The following GABRB2 variants were observed in gnomAD, a reference collection of about 807,000 sequenced individuals.
The protein encoded by GABRB2 is gamma-aminobutyric acid receptor subunit beta-2.
Under a neutral mutation model 54.7 loss-of-function variants are expected in GABRB2, and 16 were observed. The observed-to-expected ratio is 0.29, with a 90% CI of 0.20 to 0.44. GABRB2 has a LOEUF of 0.44. Ranked by LOEUF, GABRB2 falls within the 20% of genes least tolerant of loss-of-function variation. GABRB2 has a pLI of 1.00. For synonymous variants in GABRB2, 244 were observed against 233.8 expected, an observed-to-expected ratio of 1.04 and a Z score of -0.40; for missense variants, 355 against 644.0, an observed-to-expected ratio of 0.55 and a Z score of 4.86.
chr5:161,361,319 A>AT (rs1315850235), intron 5 of GABRB2, among the ~76,000 whole-genome samples: 9 of 152,116 alleles, frequency 5.9e-5, no homozygotes, highest in African/African-American at 2.2e-4. Flanking sequence ...GGAAGGAATT[A>AT]TTTTAAATTG....
chr5:161,316,254 T>C (rs557117513), intron 9 of GABRB2, among the ~76,000 whole-genome samples: 6 of 152,338 alleles, frequency 3.9e-5, no homozygotes, highest in African/African-American at 1.4e-4. Flanking sequence ...CTGAGACTCC[T>C]GAACCTCAGT....
rs183399428 is a variant in GABRB2 at position 161,450,665 on chromosome 5, T to C, written c.458+8959A>G. ...GTGGTTTGCCATCGTCTCTAGGATG[T>C]TAGGCACAATTACTTCCCGCTCTGA... On this transcript the variant is annotated intron_variant, in intron 4 of 9. Transcript: ENST00000393959. 2.0e-5 allele frequency among the ~76,000 whole-genome samples: 3 copies of C among 152,256 alleles called. No homozygotes were observed. In the East Asian group the frequency reaches 5.8e-4, roughly 29 times the overall value.
chr5:161,366,538 A>G (rs1248457079), intron 5 of GABRB2, among the ~76,000 whole-genome samples: 1 of 152,206 alleles, frequency 6.6e-6, no homozygotes, highest in African/African-American at 2.4e-5. Context: ...TGGGTACCTG[A>G]GAGCAGAAAT....
chr5:161,459,347 T>A (rs1758053867), intron 4 of GABRB2: 1 of 439,354 alleles, frequency 2.3e-6, no homozygotes, highest in Non-Finnish European at 4.2e-6. Context: ...ATGTCTCAGC[T>A]ATTTTGATAT....
At chr5:161,425,128 T>C (rs1419627139) in intron 4 of GABRB2, among the ~76,000 whole-genome samples, 1 of 152,108 alleles carries the variant, frequency 6.6e-6, no homozygotes, top group East Asian at 1.9e-4. Context: ...AGATAAAACC[T>C]ATTCCAGGTG....
At chr5:161,517,283 T>C (rs1759978901) in intron 3 of GABRB2, among the ~76,000 whole-genome samples, 2 of 152,152 alleles carry the variant, frequency 1.3e-5, no homozygotes, top group Non-Finnish European at 2.9e-5. Flanking sequence ...AAACTATTGA[T>C]CTAATAGGAT....
At chr5:161,417,825 C>G (rs2113135733) in intron 4 of GABRB2, among the ~76,000 whole-genome samples, 1 of 152,248 alleles carries the variant, frequency 6.6e-6, no homozygotes, top group African/African-American at 2.4e-5. Flanking sequence ...CTTGATTTAC[C>G]TCCACAGAGG....
At chr5:161,470,928 A>T (rs1758419939) in intron 3 of GABRB2, among the ~76,000 whole-genome samples, 1 of 151,980 alleles carries the variant, frequency 6.6e-6, no homozygotes, top group African/African-American at 2.4e-5. Context: ...GTATTTCTTC[A>T]TCGATACACT....
At chr5:161,485,219 T>C (rs1344608808) in intron 3 of GABRB2, among the ~76,000 whole-genome samples, 1 of 151,984 alleles carries the variant, frequency 6.6e-6, no homozygotes, top group Non-Finnish European at 1.5e-5. Context: ...CCTTCCAGTA[T>C]ACTGTCACAA....
chr5:161,443,407 A>G (rs565312047), intron 4 of GABRB2, among the ~76,000 whole-genome samples: 1 of 152,336 alleles, frequency 6.6e-6, no homozygotes, highest in African/African-American at 2.4e-5. Flanking sequence ...ATACTAAAAA[A>G]TCAAAATCAC....
chr5:161,326,270 G>T (rs1328028322), intron 9 of GABRB2, 98 bp downstream of exon 9: 7 of 1,530,488 alleles, frequency 4.6e-6, no homozygotes, highest in Non-Finnish European at 6.2e-6. Flanking sequence ...ATGTTCATAG[G>T]TTATCTGCAA....
At chr5:161,472,270 G>T (rs1758463064) in intron 3 of GABRB2, among the ~76,000 whole-genome samples, 1 of 151,658 alleles carries the variant, frequency 6.6e-6, no homozygotes, top group Admixed American at 6.6e-5. Flanking sequence ...GCCTGGTTTG[G>T]TTGTGGGATT....
intron 5 of GABRB2, among the ~76,000 whole-genome samples, chr5:161,363,526 A>G (rs188422141): frequency 7.2e-5 from 11 of 152,086 alleles, no homozygotes; most frequent in African/African-American, 2.4e-4. Context: ...TTAAAGTATA[A>G]TAAAAAAATT....
chr5:161,345,235 G>T (rs1754286170), intron 5 of GABRB2, among the ~76,000 whole-genome samples: 1 of 151,702 alleles, frequency 6.6e-6, no homozygotes. Flanking sequence ...TCATATTTGT[G>T]CACTTTGTAT....
chr5:161,502,590 T>C (rs563994970), intron 3 of GABRB2, among the ~76,000 whole-genome samples: 4 of 152,282 alleles, frequency 2.6e-5, no homozygotes, highest in Non-Finnish European at 4.4e-5. Flanking sequence ...TGTTTAAGTA[T>C]TGAACATCAG....
In GABRB2 at chr5:161,534,133, C is replaced by A. The variant is rs538181446; in HGVS notation, c.237+11094G>T. Among the ~76,000 whole-genome samples, 732 of 152,266 alleles carry A rather than the reference C, an allele frequency of 4.8e-3. 6 individuals carry two copies. The highest frequency in any genetic ancestry group is 0.016 in the African/African-American group (673 of 41,578). On this transcript the variant is annotated intron_variant, in intron 3 of 9. Coordinates refer to ENST00000393959, the MANE Select transcript of GABRB2 (RefSeq NM_001371727.1). ...TCTAAAAGCACAGCACAATTTTTTA[C>A]AATAGTGGCTCTCAACCTGAAACAA...
chr5:161,496,550 GA>G (rs398050906), intron 3 of GABRB2, among the ~76,000 whole-genome samples: 21 of 143,926 alleles, frequency 1.5e-4, no homozygotes, highest in Middle Eastern at 3.6e-3. Context: ...CTGGAAGTCA[GA>G]AAAAAAAAAG....
intron 9 of GABRB2, among the ~76,000 whole-genome samples, chr5:161,319,988 A>T (rs189493541): frequency 1.3e-4 from 19 of 151,498 alleles, no homozygotes; most frequent in African/African-American, 3.9e-4. Context: ...TTTCCCCTTA[A>T]TGTTTAATTG....
chr5:161,527,048 T>A (rs1760305010), intron 3 of GABRB2, among the ~76,000 whole-genome samples: 2 of 151,464 alleles, frequency 1.3e-5, no homozygotes, highest in Non-Finnish European at 3.0e-5. Flanking sequence ...TATTTCATAA[T>A]GGCCAAGTAT....
Sources: gnomAD v4.1 joint callset for allele counts (sites outside exome capture counted in the v4.1 genomes callset) on GRCh38, gnomAD v4.1.1 for gene constraint, MANE v1.5 for transcripts, NCBI Gene and HGNC (gene_info 2026-07-23, HGNC 2026-07-21) for gene names.